EXOC1: variants seen among roughly 807,000 people sequenced by gnomAD.
EXOC1 encodes SEC3-like 1.
EXOC1 carries 67 observed loss-of-function variants against 107.7 expected under a neutral mutation model. The observed-to-expected ratio is 0.62, with a 90% CI of 0.51 to 0.76. EXOC1 has a LOEUF of 0.76. Among genes scored for constraint, EXOC1 ranks in the 30% least tolerant of loss-of-function variants. The pLI is 0.00. For synonymous variants in EXOC1, 348 were observed against 353.5 expected (o/e 0.98, Z 0.17); for missense variants, 833 against 1,055.7 (o/e 0.79, Z 2.92).
chr4:55,858,999 A>AT lies in EXOC1; in HGVS notation c.124+554dup, dbSNP rs568668671. Among the ~76,000 whole-genome samples, 84 of 152,292 alleles carry AT rather than the reference A, an allele frequency of 5.5e-4. 1 individual carries two copies. Among genetic ancestry groups the AT allele is most frequent in the African/African-American group, 1.7e-3 (72 of 41,576 alleles). ...TGCAGTCATAAAAATATTTTCCTAA[A>AT]TTCAAAAGTTTTATAATTTTGCCTT... On this transcript the variant is annotated intron_variant, in intron 2 of 18. Transcript: ENST00000381295.
At chr4:55,877,589 G>A in intron 8 of EXOC1, 2 of 985,320 alleles carry the variant, frequency 2.0e-6, no homozygotes, top group Non-Finnish European at 2.4e-6. Context: ...CATTTGCTTG[G>A]TAAATTGTGA....
chr4:55,892,322 T>C (rs1444146831), intron 13 of EXOC1, among the ~76,000 whole-genome samples: 1 of 152,094 alleles, frequency 6.6e-6, no homozygotes, highest in African/African-American at 2.4e-5. Flanking sequence ...GTGGTGGTTG[T>C]TGTCAAGCTG....
chr4:55,871,695 C>G (rs966590860), intron 7 of EXOC1, among the ~76,000 whole-genome samples, 154 bp from the exon 8 acceptor site: 1 of 152,182 alleles, frequency 6.6e-6, no homozygotes, highest in Admixed American at 6.5e-5. Flanking sequence ...ACTGTGAAAT[C>G]CCATTTTTCT....
Position 55,883,822 on chromosome 4 carries a change from G to A in EXOC1, c.1225-1G>A, listed in dbSNP as rs1450722864. The A allele has an allele frequency of 1.3e-6, 2 of 1,551,866 alleles. No individual in the cohort carries two copies. The highest frequency in any genetic ancestry group is 1.7e-6 in the Non-Finnish European group (2 of 1,143,402). On this transcript the variant is annotated splice_acceptor_variant, in intron 9 of 18. Coordinates refer to ENST00000381295, the MANE Select transcript of EXOC1 (RefSeq NM_001024924.2). LOFTEE classifies it high-confidence loss of function. ...GAAGTACATGTTACTTTTATTTTAA[G>A]AATTACATGGATTATTTATCCCGAC...
chr4:55,900,307 TCTTA>T (rs138295827), intron 17 of EXOC1, among the ~76,000 whole-genome samples: 1,806 of 152,272 alleles, frequency 0.012, 38 homozygotes, highest in African/African-American at 0.039. Context: ...CTTTCCCATT[TCTTA>T]CTTTATAAAT....
intron 4 of EXOC1, among the ~76,000 whole-genome samples, chr4:55,865,212 C>G (rs187401755): frequency 1.3e-5 from 2 of 152,150 alleles, no homozygotes; most frequent in Non-Finnish European, 2.9e-5. Context: ...AGTATATCTT[C>G]AGGAATGTTA....
rs1010226060 is a variant in EXOC1 at position 55,871,874 on chromosome 4, A to G, written c.990A>G (p.Lys330=). 5 of 1,613,706 alleles carry G rather than the reference A, an allele frequency of 3.1e-6. No individual in the cohort carries two copies. The African/African-American group carries it at 6.7e-5, about 22-fold the overall frequency. ...GCCATGACTTGCTTCTGGCAGTCAAACAGCAACAGCAGCGATTCAGTGATT... is the reference window on the plus strand; with the variant it reads ...GCCATGACTTGCTTCTGGCAGTCAAGCAGCAACAGCAGCGATTCAGTGATT... ...RPGHDLLLAV[K]QQQQRFSDLR... Residue 330 remains lysine, a synonymous_variant, in exon 8 of 19, where the codon AAA becomes AAG. Coordinates refer to ENST00000381295, the MANE Select transcript of EXOC1 (RefSeq NM_001024924.2).
intron 16 of EXOC1, 112 bp downstream of exon 16, chr4:55,897,012 T>C: frequency 1.2e-6 from 1 of 814,894 alleles, no homozygotes; most frequent in Non-Finnish European, 1.8e-6. Context: ...TAATCTTTTT[T>C]AGGTTTTCTA....
intron 17 of EXOC1, chr4:55,900,562 T>C (rs554075885): frequency 6.6e-6 from 1 of 152,216 alleles, no homozygotes; most frequent in South Asian, 2.1e-4. Flanking sequence ...AATATAGTTA[T>C]CTTTTATAAG....
Position 55,870,721 on chromosome 4 carries a change from T to A in EXOC1, c.647T>A (p.Ile216Asn), listed in dbSNP as rs753183532. ...SIMASEKQVN[I>N]LMKLLDEALK... ...ATGGCATCTGAAAAACAAGTCAACATCCTGATGAAATTGCTAGATGAGGCT... is the reference window on the plus strand; with the variant it reads ...ATGGCATCTGAAAAACAAGTCAACAACCTGATGAAATTGCTAGATGAGGCT... Residue 216 changes from isoleucine to asparagine, a missense_variant, in exon 6 of 19, where the codon ATC becomes AAC. This residue lies in a region of EXOC1 where 617 missense variants were observed against 701.3 expected (regional missense o/e 0.88). Coordinates refer to ENST00000381295, the MANE Select transcript of EXOC1 (RefSeq NM_001024924.2). The A allele has an allele frequency of 6.2e-7, 1 of 1,613,872 alleles. No individual in the cohort carries two copies. The highest frequency in any genetic ancestry group is 8.5e-7 in the Non-Finnish European group (1 of 1,179,886).
chr4:55,888,944 T>C lies in EXOC1; in HGVS notation c.1375+12T>C, dbSNP rs750164104. On this transcript the variant is annotated intron_variant, in intron 11 of 18. Transcript: ENST00000381295. Reference sequence around the variant, plus strand: ...ACAGGAAACAGAGAGTGAGTATGCTTAGTGTATTAGTAGGTATTCTCAATG... The same window carrying C: ...ACAGGAAACAGAGAGTGAGTATGCTCAGTGTATTAGTAGGTATTCTCAATG... The C allele has an allele frequency of 6.2e-7, 1 of 1,612,846 alleles. No individual in the cohort carries two copies. Among genetic ancestry groups the C allele is most frequent in the Non-Finnish European group, 8.5e-7 (1 of 1,179,122 alleles).
At chr4:55,877,122 A>G in intron 8 of EXOC1, 1 of 975,302 alleles carries the variant, frequency 1.0e-6, no homozygotes, top group Non-Finnish European at 1.2e-6. Flanking sequence ...TTTTAACTTA[A>G]AAGAATTTAA....
rs1724856030 is a variant in EXOC1 at position 55,893,781 on chromosome 4, G to T, written c.1953+1G>T. ...CAAAAGGAACTTTGACAAATGCATTGTAAGTTTTCTTTTTTAAAAAAATAC... is the reference window on the plus strand; with the variant it reads ...CAAAAGGAACTTTGACAAATGCATTTTAAGTTTTCTTTTTTAAAAAAATAC... On this transcript the variant is annotated splice_donor_variant, in intron 15 of 18. Transcript: ENST00000381295. LOFTEE classifies it high-confidence loss of function. 6.2e-7 allele frequency: 1 copy of T among 1,607,718 alleles called. No homozygotes were observed. The highest frequency in any genetic ancestry group is 1.3e-5 in the African/African-American group (1 of 74,582).
Position 55,899,901 on chromosome 4 carries a change from T to A in EXOC1, c.2337+17T>A, listed in dbSNP as rs202140810. On this transcript the variant is annotated intron_variant, in intron 17 of 18. Transcript: ENST00000381295. ...AAACTAAATGTAAATATATTTTCAT[T>A]CAGTATTTTTCCTACTTTTGAACCT... 5 of 1,592,328 alleles carry A rather than the reference T, an allele frequency of 3.1e-6. No individual in the cohort carries two copies. Among genetic ancestry groups the A allele is most frequent in the East Asian group, 2.2e-5 (1 of 44,592 alleles).
intron 1 of EXOC1, among the ~76,000 whole-genome samples, chr4:55,857,248 G>C (rs1268668475): frequency 7.6e-6 from 1 of 131,116 alleles, no homozygotes; most frequent in Admixed American, 9.1e-5. Flanking sequence ...GCGCAGTCTC[G>C]GCTCACTGCA....
Position 55,870,919 on chromosome 4 carries a change from TA to T in EXOC1, c.831+17del. On this transcript the variant is annotated intron_variant, in intron 6 of 18. Coordinates refer to ENST00000381295, the MANE Select transcript of EXOC1 (RefSeq NM_001024924.2). ...GAGTTCCTTGTGGTAAGTATGATCA[TA>T]AATTACCAACAAAAAAAAACTAGTG... 6.3e-7 allele frequency: 1 copy of T among 1,585,344 alleles called. No individual in the cohort carries two copies. Among genetic ancestry groups the T allele is most frequent in the Non-Finnish European group, 8.6e-7 (1 of 1,165,924 alleles).
chr4:55,893,475 C>T (rs1185491963), intron 14 of EXOC1, 77 bp from the exon 15 acceptor site: 2 of 1,239,956 alleles, frequency 1.6e-6, no homozygotes, highest in Non-Finnish European at 1.1e-6. Context: ...TTTGTATATA[C>T]CCAGTGGATT....
chr4:55,899,509 A>G (rs937684224), intron 16 of EXOC1, among the ~76,000 whole-genome samples, 176 bp from the exon 17 acceptor site: 1 of 152,158 alleles, frequency 6.6e-6, no homozygotes, highest in South Asian at 2.1e-4. Flanking sequence ...TTTTAGGATG[A>G]CTTTTTATTA....
chr4:55,879,357 G>A (rs1723180496), intron 9 of EXOC1, among the ~76,000 whole-genome samples: 1 of 152,204 alleles, frequency 6.6e-6, no homozygotes, highest in African/African-American at 2.4e-5. Flanking sequence ...GATTTCCAGA[G>A]GAGAGCTTTC....
Sources: gnomAD v4.1 joint callset for allele counts (sites outside exome capture counted in the v4.1 genomes callset) on GRCh38, gnomAD v4.1.1 for gene constraint, gnomAD v4.1.1 regional missense constraint, MANE v1.5 for transcripts, NCBI Gene and HGNC (gene_info 2026-07-23, HGNC 2026-07-21) for gene names.